SGCZ: variants seen among roughly 807,000 people sequenced by gnomAD.
SGCZ encodes sarcoglycan zeta, also known as zeta-sarcoglycan.
Under a neutral mutation model 41.3 loss-of-function variants are expected in SGCZ, and 40 were observed. The ratio of observed to expected loss-of-function variants is 0.97; its 90% CI spans 0.75 to 1.26. SGCZ has a LOEUF of 1.26. SGCZ is among the 50% of genes most tolerant of loss of function. SGCZ has a pLI of 0.00. For missense variants in SGCZ, 552 were observed against 369.8 expected, an observed-to-expected ratio of 1.49 and a Z score of -4.04; for synonymous variants, 206 against 137.5, an observed-to-expected ratio of 1.50 and a Z score of -3.49.
intron 2 of SGCZ, among the ~76,000 whole-genome samples, chr8:14,500,722 A>G (rs1377319053): frequency 2.0e-5 from 3 of 152,090 alleles, no homozygotes; most frequent in Non-Finnish European, 4.4e-5. Flanking sequence ...AAAAATTACT[A>G]TCAGCCACTA....
intron 1 of SGCZ, among the ~76,000 whole-genome samples, chr8:14,600,510 T>C (rs1375374450): frequency 2.0e-5 from 3 of 152,170 alleles, no homozygotes; most frequent in Non-Finnish European, 2.9e-5. Context: ...GCTCTCTCAG[T>C]GCGGGAGAGT....
chr8:15,071,383 G>A (rs956443674), intron 1 of SGCZ, among the ~76,000 whole-genome samples: 1 of 152,054 alleles, frequency 6.6e-6, no homozygotes, highest in African/African-American at 2.4e-5. Context: ...TAAGAAAGGA[G>A]CAAGACTGGA....
intron 2 of SGCZ, among the ~76,000 whole-genome samples, chr8:14,463,641 T>A (rs55981406): frequency 6.6e-6 from 1 of 151,444 alleles, no homozygotes; most frequent in Non-Finnish European, 1.5e-5. Context: ...ACAGACAAAC[T>A]GTATTTTGTG....
chr8:14,512,324 C>A (rs2054358), intron 2 of SGCZ, among the ~76,000 whole-genome samples: 152,206 of 152,284 alleles, frequency 1, 76,064 homozygotes, highest in Non-Finnish European at 1. Context: ...CCAATTACAC[C>A]CATGAAGATC....
At chr8:14,586,097 C>A (rs993078210) in intron 1 of SGCZ, among the ~76,000 whole-genome samples, 1 of 152,204 alleles carries the variant, frequency 6.6e-6, no homozygotes, top group African/African-American at 2.4e-5. Context: ...ATTAACTATA[C>A]ACGCAGCTGA....
intron 1 of SGCZ, among the ~76,000 whole-genome samples, chr8:14,797,806 C>T (rs929721352): frequency 1.3e-5 from 2 of 152,192 alleles, no homozygotes; most frequent in Non-Finnish European, 2.9e-5. Flanking sequence ...TGGTGCCCTG[C>T]ATCCCAGCTG....
At chr8:14,304,884 G>A (rs1194256766) in intron 3 of SGCZ, among the ~76,000 whole-genome samples, 1 of 152,096 alleles carries the variant, frequency 6.6e-6, no homozygotes, top group Non-Finnish European at 1.5e-5. Flanking sequence ...ACAGCAGTAA[G>A]ACATTGCCTA....
At chr8:15,013,384 T>C (rs1802909512) in intron 1 of SGCZ, among the ~76,000 whole-genome samples, 1 of 152,216 alleles carries the variant, frequency 6.6e-6, no homozygotes. Context: ...TTTATTCCCA[T>C]GAATTGAAGT....
intron 1 of SGCZ, among the ~76,000 whole-genome samples, chr8:15,139,328 G>T (rs1362829363): frequency 6.6e-6 from 1 of 152,128 alleles, no homozygotes; most frequent in African/African-American, 2.4e-5. Flanking sequence ...TATGTCTAAA[G>T]AACTATTTTG....
At chr8:14,731,462 C>A (rs1461826711) in intron 1 of SGCZ, among the ~76,000 whole-genome samples, 1 of 152,048 alleles carries the variant, frequency 6.6e-6, no homozygotes, top group Non-Finnish European at 1.5e-5. Flanking sequence ...TGCAGCAAAC[C>A]ACCATGGCAC....
At chr8:14,730,460 T>C (rs1476359964) in intron 1 of SGCZ, among the ~76,000 whole-genome samples, 2 of 152,070 alleles carry the variant, frequency 1.3e-5, no homozygotes, top group African/African-American at 4.8e-5. Context: ...TTTTTTCTTA[T>C]CCTGAAGTGT....
chr8:15,130,897 C>T (rs1158484280), intron 1 of SGCZ, among the ~76,000 whole-genome samples: 1 of 152,138 alleles, frequency 6.6e-6, no homozygotes, highest in Non-Finnish European at 1.5e-5. Flanking sequence ...ATTCTTAACA[C>T]ATCCCCATCC....
intron 1 of SGCZ, among the ~76,000 whole-genome samples, chr8:14,567,502 C>G (rs1249136339): frequency 6.6e-6 from 1 of 152,072 alleles, no homozygotes; most frequent in Non-Finnish European, 1.5e-5. Flanking sequence ...CAAAATGGAC[C>G]AATCAGCACC....
intron 1 of SGCZ, among the ~76,000 whole-genome samples, chr8:14,781,327 G>A (rs959847458): frequency 6.6e-6 from 1 of 152,092 alleles, no homozygotes; most frequent in Admixed American, 6.6e-5. Flanking sequence ...AGCCTCCCAG[G>A]TTCTAGCGAT....
At chr8:14,235,826 A>G (rs1806737906) in intron 4 of SGCZ, among the ~76,000 whole-genome samples, 1 of 152,112 alleles carries the variant, frequency 6.6e-6, no homozygotes, top group African/African-American at 2.4e-5. Context: ...CTGGGATTAC[A>G]GGCACACACC....
chr8:14,573,874 A>G (rs923709949), intron 1 of SGCZ, among the ~76,000 whole-genome samples: 6 of 152,180 alleles, frequency 3.9e-5, no homozygotes, highest in African/African-American at 1.4e-4. Context: ...ATGAAAAAAT[A>G]AAATGGCCTA....
At chr8:14,562,256 G>C (rs1585081877) in intron 1 of SGCZ, among the ~76,000 whole-genome samples, 1 of 152,136 alleles carries the variant, frequency 6.6e-6, no homozygotes, top group South Asian at 2.1e-4. Context: ...ACTGGGAATA[G>C]TAGTTGAGCC....
At chr8:14,417,467 T>A (rs1799524522) in intron 2 of SGCZ, among the ~76,000 whole-genome samples, 1 of 151,880 alleles carries the variant, frequency 6.6e-6, no homozygotes, top group South Asian at 2.1e-4. Flanking sequence ...GATTATTATT[T>A]TTGTTCATCA....
intron 1 of SGCZ, among the ~76,000 whole-genome samples, chr8:14,648,029 C>T (rs1382937077): frequency 6.6e-6 from 1 of 151,908 alleles, no homozygotes; most frequent in African/African-American, 2.4e-5. Context: ...GAGGGAGGTA[C>T]CCTGAACTTG....
Sources: allele counts gnomAD v4.1 joint callset (sites outside exome capture counted in the v4.1 genomes callset), GRCh38; gene constraint gnomAD v4.1.1; transcripts MANE v1.5; gene names NCBI Gene and HGNC (gene_info 2026-07-23, HGNC 2026-07-21).